Variants in EPHA6 observed in about 807,000 individuals in gnomAD.
EPHA6 encodes ephrin type-A receptor 6.
EPHA6 carries 50 observed loss-of-function variants against 112.0 expected under a neutral mutation model. That is an observed-to-expected ratio of 0.45 (90% CI 0.36 to 0.56). EPHA6 has a LOEUF of 0.56. Among genes scored for constraint, EPHA6 ranks in the 20% least tolerant of loss-of-function variants. EPHA6 has a pLI of 0.00. For synonymous variants in EPHA6, 529 were observed against 490.7 expected (o/e 1.08, Z -1.03); for missense variants, 1,280 against 1,417.4 (o/e 0.90, Z 1.56).
At chr3:97,131,841 AGG>A (rs1163997719) in intron 3 of EPHA6, among the ~76,000 whole-genome samples, 14 of 152,298 alleles carry the variant, frequency 9.2e-5, no homozygotes, top group African/African-American at 3.1e-4. Flanking sequence ...GTTATTATAC[AGG>A]TTGTATGTTA....
At chr3:97,254,979 C>A (rs977234423) in intron 5 of EPHA6, among the ~76,000 whole-genome samples, 5 of 152,108 alleles carry the variant, frequency 3.3e-5, no homozygotes, top group Non-Finnish European at 7.4e-5. Context: ...TACTTATTTC[C>A]AATTTGCAAG....
At chr3:97,480,051 AT>A (rs1470479823) in intron 9 of EPHA6, among the ~76,000 whole-genome samples, 2 of 152,222 alleles carry the variant, frequency 1.3e-5, no homozygotes, top group Non-Finnish European at 2.9e-5. Context: ...TGTAGAGATA[AT>A]ATGCAAGGCA....
At chr3:97,738,915 C>T (rs2035385443) in intron 16 of EPHA6, among the ~76,000 whole-genome samples, 1 of 152,012 alleles carries the variant, frequency 6.6e-6, no homozygotes, top group Non-Finnish European at 1.5e-5. Flanking sequence ...CCTTTATCAG[C>T]GTTCTCATTT....
chr3:97,593,039 T>C (rs1046048172), intron 12 of EPHA6, among the ~76,000 whole-genome samples: 1 of 152,070 alleles, frequency 6.6e-6, no homozygotes, highest in African/African-American at 2.4e-5. Flanking sequence ...TAAACAAAGA[T>C]GGACTTCAGA....
intron 3 of EPHA6, among the ~76,000 whole-genome samples, chr3:97,213,981 CATA>C (rs1200505156): frequency 2.0e-5 from 3 of 147,192 alleles, no homozygotes; most frequent in Non-Finnish European, 4.4e-5. Flanking sequence ...ATTATCTAAT[CATA>C]ATCTCATGTG....
intron 10 of EPHA6, among the ~76,000 whole-genome samples, chr3:97,511,251 C>T (rs1414611262): frequency 6.6e-6 from 1 of 152,022 alleles, no homozygotes; most frequent in Non-Finnish European, 1.5e-5. Flanking sequence ...CTGCAGCTAG[C>T]TCGGTGTCTG....
chr3:97,398,754 T>C (rs536241049), intron 5 of EPHA6, among the ~76,000 whole-genome samples: 2 of 151,654 alleles, frequency 1.3e-5, no homozygotes, highest in East Asian at 3.9e-4. Context: ...ATACATACTC[T>C]TTTTCCACTC....
At chr3:97,413,827 G>C (rs2087911722) in intron 6 of EPHA6, among the ~76,000 whole-genome samples, 2 of 151,766 alleles carry the variant, frequency 1.3e-5, no homozygotes, top group African/African-American at 4.8e-5. Flanking sequence ...AATCTTACTA[G>C]TTTTTAAATA....
chr3:96,880,399 A>G lies in EPHA6; in HGVS notation c.450+13510A>G, dbSNP rs577936508. Reference sequence around the variant, plus strand: ...CAAATAACCTTTGAAGAAAATAAAGACATATAGAAATTGAAAGATATACCT... The same window carrying G: ...CAAATAACCTTTGAAGAAAATAAAGGCATATAGAAATTGAAAGATATACCT... On this transcript the variant is annotated intron_variant, in intron 2 of 17. Transcript: ENST00000389672. Among the ~76,000 whole-genome samples the G allele has an allele frequency of 2.6e-5, 4 of 152,322 alleles. No homozygotes were observed. In the South Asian group the frequency reaches 8.3e-4, roughly 32 times the overall value.
At chr3:97,437,874 G>A (rs1467790629) in intron 6 of EPHA6, among the ~76,000 whole-genome samples, 2 of 151,782 alleles carry the variant, frequency 1.3e-5, no homozygotes, top group Admixed American at 1.3e-4. Flanking sequence ...TCTATCCTCA[G>A]TAGTCCAATA....
intron 5 of EPHA6, among the ~76,000 whole-genome samples, chr3:97,268,858 T>C (rs1011153520): frequency 6.6e-6 from 1 of 152,184 alleles, no homozygotes; most frequent in Non-Finnish European, 1.5e-5. Context: ...TTTATACTAT[T>C]ATGAGTGATT....
chr3:97,663,008 C>T (rs2094180007), intron 14 of EPHA6, among the ~76,000 whole-genome samples: 1 of 152,188 alleles, frequency 6.6e-6, no homozygotes, highest in African/African-American at 2.4e-5. Flanking sequence ...CAGGGTCAGT[C>T]TTTGATCAAT....
intron 14 of EPHA6, among the ~76,000 whole-genome samples, chr3:97,681,677 A>G (rs952526367): frequency 6.6e-6 from 1 of 152,102 alleles, no homozygotes; most frequent in Non-Finnish European, 1.5e-5. Context: ...CGAATCTGTG[A>G]CTTAGAAAGG....
intron 3 of EPHA6, among the ~76,000 whole-genome samples, chr3:97,176,728 T>A (rs2076845987): frequency 6.6e-6 from 1 of 151,982 alleles, no homozygotes; most frequent in African/African-American, 2.4e-5. Flanking sequence ...TTTTGCAGTA[T>A]TAGTTGTAAT....
intron 14 of EPHA6, among the ~76,000 whole-genome samples, 185 bp from the exon 15 acceptor site, chr3:97,720,076 T>G (rs1244817591): frequency 6.6e-6 from 1 of 152,246 alleles, no homozygotes; most frequent in Non-Finnish European, 1.5e-5. Flanking sequence ...CTATTTTTAC[T>G]GAATAATTAT....
intron 5 of EPHA6, among the ~76,000 whole-genome samples, chr3:97,316,103 G>T (rs893196762): frequency 1.3e-5 from 2 of 151,678 alleles, no homozygotes; most frequent in East Asian, 3.9e-4. Flanking sequence ...CATATTAAAT[G>T]ATTTTAAAAT....
At chr3:97,118,942 T>C (rs1422871365) in intron 3 of EPHA6, among the ~76,000 whole-genome samples, 1 of 151,994 alleles carries the variant, frequency 6.6e-6, no homozygotes, top group Non-Finnish European at 1.5e-5. Flanking sequence ...AATATGAAGA[T>C]TGCATCAGCT....
chr3:97,119,438 A>G (rs4857240), intron 3 of EPHA6, among the ~76,000 whole-genome samples: 63,764 of 151,850 alleles, frequency 0.42, 17,200 homozygotes, highest in African/African-American at 0.77. Context: ...TCAACTAGTG[A>G]GATAGGAGGC....
At chr3:96,973,964 A>G (rs1245912883) in intron 2 of EPHA6, among the ~76,000 whole-genome samples, 1 of 146,012 alleles carries the variant, frequency 6.8e-6, no homozygotes, top group Non-Finnish European at 1.5e-5. Context: ...ATAAATATAC[A>G]TATTATAACA....
Sources: gnomAD v4.1 joint callset for allele counts (sites outside exome capture counted in the v4.1 genomes callset) on GRCh38, gnomAD v4.1.1 for gene constraint, MANE v1.5 for transcripts, NCBI Gene and HGNC (gene_info 2026-07-23, HGNC 2026-07-21) for gene names.